The following IL1RAPL1 variants were observed in gnomAD, a reference collection of about 807,000 sequenced individuals.
IL1RAPL1 encodes the protein interleukin 1 receptor accessory protein like 1, also known as interleukin-1 receptor accessory protein-like 1.
IL1RAPL1 carries 3 observed loss-of-function variants against 48.4 expected under a neutral mutation model. That is an observed-to-expected ratio of 0.06 (90% CI 0.03 to 0.16). The LOEUF (loss-of-function observed/expected upper bound fraction) is 0.16. Among genes scored for constraint, IL1RAPL1 ranks in the 10% least tolerant of loss-of-function variants. The pLI is 1.00. For synonymous variants in IL1RAPL1, 185 were observed against 187.7 expected (o/e 0.99, Z 0.12); for missense variants, 349 against 530.6 (o/e 0.66, Z 3.36).
chrX:29,067,120 G>A (rs1179297987), intron 2 of IL1RAPL1, among the ~76,000 whole-genome samples: 5 of 111,462 alleles, frequency 4.5e-5, no homozygotes, highest in Non-Finnish European at 9.4e-5. Context: ...TTTAATAATT[G>A]TCAGTAATTA....
intron 2 of IL1RAPL1, among the ~76,000 whole-genome samples, chrX:28,809,343 A>C (rs1368801298): frequency 9.0e-6 from 1 of 110,763 alleles, no homozygotes; most frequent in East Asian, 2.9e-4. Flanking sequence ...TCATGCTATG[A>C]ATAAAATAAA....
intron 8 of IL1RAPL1, among the ~76,000 whole-genome samples, chrX:29,932,782 T>C (rs894796239): frequency 9.0e-6 from 1 of 111,729 alleles, no homozygotes; most frequent in Admixed American, 9.5e-5. Flanking sequence ...ATTATTATTA[T>C]TTATTATTAT....
At chrX:29,427,385 A>G (rs1934363512) in intron 5 of IL1RAPL1, among the ~76,000 whole-genome samples, 1 of 112,619 alleles carries the variant, frequency 8.9e-6, no homozygotes, top group African/African-American at 3.2e-5. Flanking sequence ...GCAGTGTTGC[A>G]GTAGAGGATG....
At chrX:29,087,283 G>T (rs1012880127) in intron 2 of IL1RAPL1, among the ~76,000 whole-genome samples, 1 of 109,119 alleles carries the variant, frequency 9.2e-6, no homozygotes, top group East Asian at 2.9e-4. Flanking sequence ...GACCACAGGC[G>T]CATGCCACCA....
chrX:28,896,459 G>T (rs59612499), intron 2 of IL1RAPL1, among the ~76,000 whole-genome samples: 6 of 111,502 alleles, frequency 5.4e-5, no homozygotes, highest in African/African-American at 2.0e-4. Context: ...TAACTGATTT[G>T]GGAGAGGTCG....
chrX:29,071,359 C>G (rs750541709), intron 2 of IL1RAPL1, among the ~76,000 whole-genome samples: 34 of 111,675 alleles, frequency 3.0e-4, no homozygotes, highest in Non-Finnish European at 6.2e-4. Flanking sequence ...GAAAGTAATT[C>G]AAGCAAACAA....
chrX:29,450,425 G>A (rs976757193), intron 5 of IL1RAPL1, among the ~76,000 whole-genome samples: 2 of 111,707 alleles, frequency 1.8e-5, no homozygotes, highest in African/African-American at 6.5e-5. Context: ...TGCTGTTGTA[G>A]CATGAAAGCA....
chrX:29,593,538 T>C (rs138043354), intron 5 of IL1RAPL1, among the ~76,000 whole-genome samples: 1,178 of 112,056 alleles, frequency 0.011, 13 homozygotes, highest in African/African-American at 0.035. Flanking sequence ...ACATGCTTAA[T>C]ATCTCGTACA....
chrX:29,038,393 T>A (rs1193861509), intron 2 of IL1RAPL1, among the ~76,000 whole-genome samples: 2 of 112,233 alleles, frequency 1.8e-5, no homozygotes, highest in Non-Finnish European at 3.8e-5. Context: ...GAAAAAACTA[T>A]ATATACAGCC....
At chrX:28,814,218 G>A (rs1328956859) in intron 2 of IL1RAPL1, among the ~76,000 whole-genome samples, 1 of 110,538 alleles carries the variant, frequency 9.0e-6, no homozygotes, top group African/African-American at 3.3e-5. Context: ...AAGGTTGTAG[G>A]AGGAAAGGAG....
intron 2 of IL1RAPL1, among the ~76,000 whole-genome samples, chrX:28,843,612 T>A (rs181644992): frequency 3.6e-5 from 4 of 112,386 alleles, no homozygotes; most frequent in South Asian, 7.3e-4. Context: ...TTGGATAAAA[T>A]GAATCTTTGG....
At chrX:29,254,999 GAACAT>G (rs1287744304) in intron 2 of IL1RAPL1, among the ~76,000 whole-genome samples, 2 of 110,532 alleles carry the variant, frequency 1.8e-5, no homozygotes, top group Non-Finnish European at 3.8e-5. Context: ...TTTAAGACAA[GAACAT>G]AATATGCTCT....
intron 5 of IL1RAPL1, among the ~76,000 whole-genome samples, chrX:29,518,331 G>C (rs948190798): frequency 2.7e-5 from 3 of 110,899 alleles, no homozygotes; most frequent in Admixed American, 9.7e-5. Flanking sequence ...TGATTCCATA[G>C]GTCTTGGGTG....
intron 2 of IL1RAPL1, among the ~76,000 whole-genome samples, chrX:29,223,547 CT>C (rs770246198): frequency 0.099 from 9,936 of 100,098 alleles, 449 homozygotes; most frequent in Middle Eastern, 0.2. Flanking sequence ...CATTTTATTA[CT>C]TTTTTTTTTT....
chrX:28,850,037 T>A (rs1028922930), intron 2 of IL1RAPL1, among the ~76,000 whole-genome samples: 1 of 111,871 alleles, frequency 8.9e-6, no homozygotes, highest in African/African-American at 3.3e-5. Flanking sequence ...TGATTTTCTG[T>A]TTTTGTGGTC....
At chrX:28,875,373 C>T (rs768990805) in intron 2 of IL1RAPL1, among the ~76,000 whole-genome samples, 8 of 112,414 alleles carry the variant, frequency 7.1e-5, no homozygotes, top group Non-Finnish European at 1.1e-4. Context: ...TAATGGATTT[C>T]CATCAAACTG....
intron 2 of IL1RAPL1, among the ~76,000 whole-genome samples, chrX:28,880,814 A>G (rs190057932): frequency 9.0e-6 from 1 of 111,647 alleles, no homozygotes; most frequent in African/African-American, 3.2e-5. Flanking sequence ...CAAAATTTCC[A>G]ATGACTTCTC....
chrX:29,726,442 T>C (rs1042866403), intron 6 of IL1RAPL1, among the ~76,000 whole-genome samples: 30 of 111,986 alleles, frequency 2.7e-4, no homozygotes, highest in African/African-American at 8.7e-4. Context: ...TTGTACTCAA[T>C]CAGTTTCTTC....
intron 1 of IL1RAPL1, among the ~76,000 whole-genome samples, chrX:28,700,645 A>G (rs1335792222): frequency 4.6e-5 from 5 of 109,482 alleles, no homozygotes; most frequent in African/African-American, 1.7e-4. Context: ...TCAACCTGTC[A>G]TCTAGGTTTT....
Sources: gnomAD v4.1 joint callset for allele counts (sites outside exome capture counted in the v4.1 genomes callset) on GRCh38, gnomAD v4.1.1 for gene constraint, MANE v1.5 for transcripts, NCBI Gene and HGNC (gene_info 2026-07-23, HGNC 2026-07-21) for gene names.